The following ZC3H12B variants were observed in gnomAD, a reference collection of about 807,000 sequenced individuals.
The protein encoded by ZC3H12B is probable ribonuclease ZC3H12B.
ZC3H12B carries 7 observed loss-of-function variants against 43.9 expected under a neutral mutation model. The ratio of observed to expected loss-of-function variants is 0.16; its 90% confidence interval spans 0.09 to 0.30. ZC3H12B has a LOEUF of 0.30. Among genes scored for constraint, ZC3H12B ranks in the 10% least tolerant of loss-of-function variants. The pLI, the probability that ZC3H12B is intolerant of heterozygous loss-of-function variation, is 1.00. For synonymous variants in ZC3H12B, 222 were observed against 241.7 expected (o/e 0.92, Z 0.76); for missense variants, 475 against 670.2 (o/e 0.71, Z 3.22).
chrX:65,271,637 A>G, the ZC3H12B span: 2 of 112,314 alleles, frequency 1.8e-5, no homozygotes. Flanking sequence ...TCAGTGGAAG[A>G]AGAGTATCTT....
intron 2 of ZC3H12B, among the ~76,000 whole-genome samples, chrX:65,380,828 A>G (rs1455915689): frequency 8.9e-6 from 1 of 111,742 alleles, no homozygotes; most frequent in Non-Finnish European, 1.9e-5. Flanking sequence ...AACAGACTTT[A>G]AACCAACAAA....
chrX:65,120,252 C>T, the ZC3H12B span, among the ~76,000 whole-genome samples: 1 of 111,841 alleles, frequency 8.9e-6, no homozygotes, highest in African/African-American at 3.2e-5. Flanking sequence ...TGGCCATTTT[C>T]ACGATATTGA....
chrX:65,128,904 TTCTG>T, the ZC3H12B span, among the ~76,000 whole-genome samples: 2 of 111,771 alleles, frequency 1.8e-5, no homozygotes, highest in Non-Finnish European at 3.8e-5. Flanking sequence ...TTGTATCTTT[TTCTG>T]TCTTTCTATA....
intron 3 of ZC3H12B, among the ~76,000 whole-genome samples, chrX:65,402,675 C>T (rs922254070): frequency 8.9e-6 from 1 of 112,084 alleles, no homozygotes; most frequent in African/African-American, 3.2e-5. Context: ...GAGCAAGAGT[C>T]TCTGCCTGGT....
intron 3 of ZC3H12B, among the ~76,000 whole-genome samples, chrX:65,457,485 G>T (rs1279529160): frequency 1.1e-5 from 1 of 88,390 alleles, no homozygotes; most frequent in Admixed American, 1.1e-4. Flanking sequence ...CATCCGGGAG[G>T]TGAGGGGCGC....
the ZC3H12B span, chrX:65,185,149 GTT>G: frequency 9.0e-6 from 1 of 111,155 alleles, no homozygotes; most frequent in Admixed American, 9.7e-5. Flanking sequence ...AACTTCAAAG[GTT>G]TTTTAGTGGT....
chrX:65,345,210 G>A, the ZC3H12B span, among the ~76,000 whole-genome samples: 1 of 111,900 alleles, frequency 8.9e-6, no homozygotes, highest in Non-Finnish European at 1.9e-5. Context: ...ATATACAAAG[G>A]AATGTAAGTC....
chrX:65,091,953 G>A, the ZC3H12B span, among the ~76,000 whole-genome samples: 3 of 112,093 alleles, frequency 2.7e-5, no homozygotes, highest in African/African-American at 9.7e-5. Context: ...TGGAAGTGGG[G>A]CCTGGTGGGA....
chrX:65,057,770 C>A, the ZC3H12B span, among the ~76,000 whole-genome samples: 1 of 111,666 alleles, frequency 9.0e-6, no homozygotes, highest in East Asian at 2.8e-4. Flanking sequence ...TTCTTGGAGG[C>A]TTTGTTCATT....
chrX:65,332,897 A>G, the ZC3H12B span, among the ~76,000 whole-genome samples: 1 of 112,353 alleles, frequency 8.9e-6, no homozygotes, highest in East Asian at 2.8e-4. Flanking sequence ...AATTTGGCTT[A>G]TGATACTTGG....
At chrX:65,281,401 T>A in the ZC3H12B span, among the ~76,000 whole-genome samples, 15 of 110,543 alleles carry the variant, frequency 1.4e-4, no homozygotes, top group East Asian at 4.3e-3. Context: ...GATTTTTGTA[T>A]TTTTAGACAG....
chrX:65,212,113 T>C, the ZC3H12B span, among the ~76,000 whole-genome samples: 1 of 57,624 alleles, frequency 1.7e-5, no homozygotes, highest in African/African-American at 7.2e-5. Flanking sequence ...TATTGTATAA[T>C]ATATAGTATA....
At chrX:65,321,186 C>T in the ZC3H12B span, among the ~76,000 whole-genome samples, 4 of 103,481 alleles carry the variant, frequency 3.9e-5, no homozygotes, top group Non-Finnish European at 7.6e-5. Flanking sequence ...AGAACTTAAA[C>T]GGATGTACAA....
At chrX:65,317,077 A>T in the ZC3H12B span, among the ~76,000 whole-genome samples, 1 of 111,434 alleles carries the variant, frequency 9.0e-6, no homozygotes, top group East Asian at 2.8e-4. Flanking sequence ...TAAGGGGGTA[A>T]ATTAAACAAG....
chrX:65,137,544 G>C, the ZC3H12B span, among the ~76,000 whole-genome samples: 2 of 111,997 alleles, frequency 1.8e-5, no homozygotes. Flanking sequence ...TAAGTAAACT[G>C]TAGATAATTT....
chrX:65,448,679 T>A (rs188403639), intron 3 of ZC3H12B, among the ~76,000 whole-genome samples: 1 of 109,445 alleles, frequency 9.1e-6, no homozygotes, highest in East Asian at 2.9e-4. Context: ...TAGCTGGACG[T>A]GGTGGCACAT....
the ZC3H12B span, among the ~76,000 whole-genome samples, chrX:65,106,988 A>G: frequency 0.24 from 26,633 of 110,997 alleles, 7,613 homozygotes; most frequent in African/African-American, 0.82. Context: ...AGTACCTATG[A>G]AAGATATTCA....
the ZC3H12B span, among the ~76,000 whole-genome samples, chrX:65,294,385 C>T: frequency 0.016 from 1,770 of 111,534 alleles, 48 homozygotes; most frequent in African/African-American, 0.055. Flanking sequence ...CCTTGAAATA[C>T]ATCAAAATAG....
At chrX:65,489,041 C>G in exon 1 of ZC3H12B, 1 of 1,211,915 alleles carries the variant, frequency 8.3e-7, no homozygotes, top group Non-Finnish European at 1.1e-6. Context: ...ACCGCCAGCT[C>G]TGTCGATCAC....
Sources: allele counts gnomAD v4.1 joint callset (sites outside exome capture counted in the v4.1 genomes callset), GRCh38; gene constraint gnomAD v4.1.1; transcripts MANE v1.5; gene names NCBI Gene and HGNC (gene_info 2026-07-23, HGNC 2026-07-21).